Variants in MEGF10 observed in about 807,000 individuals in gnomAD.
MEGF10 encodes multiple epidermal growth factor-like domains protein 10.
MEGF10 carries 86 observed loss-of-function variants against 147.5 expected under a neutral mutation model. The observed-to-expected ratio is 0.58, with a 90% CI of 0.49 to 0.70. The LOEUF (loss-of-function observed/expected upper bound fraction) is 0.70, where lower values mean the gene tolerates loss of function less well. Ranked by LOEUF, MEGF10 falls within the 30% of genes least tolerant of loss-of-function variation. The probability of loss-of-function intolerance (pLI) is 0.00; values close to 1 mark genes in which losing one functional copy is unlikely to be tolerated. For missense variants in MEGF10, 1,329 were observed against 1,487.3 expected (o/e 0.89, Z 1.75); for synonymous variants, 478 against 525.5 (o/e 0.91, Z 1.24).
chr5:127,340,814 A>AT (rs1761651155), intron 4 of MEGF10, among the ~76,000 whole-genome samples, 184 bp downstream of exon 4: 1 of 152,158 alleles, frequency 6.6e-6, no homozygotes, highest in Non-Finnish European at 1.5e-5. Flanking sequence ...CTCCTGTCTT[A>AT]TCCAAAGTCT....
At chr5:127,331,214 G>T in intron 1 of MEGF10, 77 bp from the exon 2 acceptor site, 1 of 730,606 alleles carries the variant, frequency 1.4e-6, no homozygotes. Flanking sequence ...ACTGGTACCT[G>T]GTGGTTGCTG....
At chr5:127,270,265 C>A in the MEGF10 span, among the ~76,000 whole-genome samples, 1 of 152,148 alleles carries the variant, frequency 6.6e-6, no homozygotes, top group Non-Finnish European at 1.5e-5. Flanking sequence ...GCTAAATGCT[C>A]CAATTAAAAG....
At chr5:127,432,843 G>A (rs973387049) in intron 13 of MEGF10, among the ~76,000 whole-genome samples, 5 of 152,114 alleles carry the variant, frequency 3.3e-5, no homozygotes, top group Non-Finnish European at 7.4e-5. Flanking sequence ...GGAATTTGGT[G>A]GCACGTGTCA....
chr5:127,375,126 A>G (rs1373555258), intron 5 of MEGF10, among the ~76,000 whole-genome samples: 1 of 152,212 alleles, frequency 6.6e-6, no homozygotes, highest in African/African-American at 2.4e-5. Flanking sequence ...GATAATCTGG[A>G]TCAATCACTC....
At chr5:127,391,944 T>G (rs1580806352) in intron 5 of MEGF10, among the ~76,000 whole-genome samples, 1 of 152,134 alleles carries the variant, frequency 6.6e-6, no homozygotes, top group East Asian at 1.9e-4. Flanking sequence ...CTGGAGGATC[T>G]GTTGAGGCCT....
At chr5:127,436,027 GA>G (rs1053859233) in intron 16 of MEGF10, among the ~76,000 whole-genome samples, 1 of 151,972 alleles carries the variant, frequency 6.6e-6, no homozygotes, top group Non-Finnish European at 1.5e-5. Context: ...CCCATGTCAT[GA>G]AAAAAATGAC....
At chr5:127,388,520 TA>T (rs1763522809) in intron 5 of MEGF10, among the ~76,000 whole-genome samples, 2 of 22,762 alleles carry the variant, frequency 8.8e-5, no homozygotes, top group Admixed American at 3.0e-4. Context: ...TTTTTCTTTT[TA>T]TTTATTTATT....
the MEGF10 span, among the ~76,000 whole-genome samples, chr5:127,277,213 C>T: frequency 6.6e-6 from 1 of 152,162 alleles, no homozygotes; most frequent in South Asian, 2.1e-4. Flanking sequence ...GTAGATGGCT[C>T]CTAGCTCAGT....
intron 20 of MEGF10, 98 bp from the exon 21 acceptor site, chr5:127,447,459 G>A: frequency 6.5e-7 from 1 of 1,539,024 alleles, no homozygotes; most frequent in Non-Finnish European, 8.9e-7. Flanking sequence ...TTACAGGCGT[G>A]AGCCACCTCG....
intron 1 of MEGF10, among the ~76,000 whole-genome samples, chr5:127,312,726 T>C (rs1251620265): frequency 1.3e-5 from 2 of 152,190 alleles, no homozygotes; most frequent in African/African-American, 4.8e-5. Context: ...ACCTTGGATA[T>C]AAATAAACAG....
At chr5:127,423,393 A>T (rs1019123442) in intron 13 of MEGF10, among the ~76,000 whole-genome samples, 1 of 152,342 alleles carries the variant, frequency 6.6e-6, no homozygotes, top group East Asian at 1.9e-4. Flanking sequence ...CTGAAAGAAG[A>T]AGTTTCTGCT....
chr5:127,319,503 A>T (rs1248111704), intron 1 of MEGF10, among the ~76,000 whole-genome samples: 1 of 152,142 alleles, frequency 6.6e-6, no homozygotes, highest in African/African-American at 2.4e-5. Flanking sequence ...TGTTTTAGGT[A>T]CTGAGGATAC....
intron 1 of MEGF10, among the ~76,000 whole-genome samples, chr5:127,320,973 T>G (rs1760765584): frequency 6.6e-6 from 1 of 152,224 alleles, no homozygotes; most frequent in Non-Finnish European, 1.5e-5. Flanking sequence ...ATATTCAGTT[T>G]TGACCAGGAA....
chr5:127,384,648 G>A (rs926190354), intron 5 of MEGF10, among the ~76,000 whole-genome samples: 2 of 152,142 alleles, frequency 1.3e-5, no homozygotes, highest in Non-Finnish European at 2.9e-5. Flanking sequence ...CATTTTAAAA[G>A]AAGAATAAAG....
At chr5:127,419,282 G>T (rs375492977) in intron 11 of MEGF10, 42 bp downstream of exon 11, 2 of 1,597,192 alleles carry the variant, frequency 1.3e-6, no homozygotes, top group Non-Finnish European at 8.5e-7. Context: ...TCCTGGTCAC[G>T]TTATCTCCTA....
chr5:127,390,492 T>G lies in MEGF10; in HGVS notation c.413-6040T>G, dbSNP rs900767673. 2.0e-5 allele frequency among the ~76,000 whole-genome samples: 3 copies of G among 152,130 alleles called. 1 individual carries two copies. The highest frequency in any genetic ancestry group is 4.4e-5 in the Non-Finnish European group (3 of 68,022). On this transcript the variant is annotated intron_variant, in intron 5 of 24. Coordinates refer to ENST00000503335, the MANE Select transcript of MEGF10 (RefSeq NM_001256545.2). The stretch of plus-strand genomic sequence containing the variant: ...TTTTTGTAGAGATAGGGGCTTGCTG[T>G]GTTTTCCAGGCTGGTCTCTAACTCC...
intron 5 of MEGF10, among the ~76,000 whole-genome samples, chr5:127,380,683 A>G (rs1459216294): frequency 1.3e-5 from 2 of 151,954 alleles, no homozygotes; most frequent in African/African-American, 4.8e-5. Flanking sequence ...ACGTCCAGCT[A>G]ACTTTTTATA....
chr5:127,317,183 T>A (rs896263658), intron 1 of MEGF10, among the ~76,000 whole-genome samples: 1 of 152,208 alleles, frequency 6.6e-6, no homozygotes, highest in Non-Finnish European at 1.5e-5. Flanking sequence ...TGTTTGTTTT[T>A]TTCTTGTAAA....
chr5:127,350,782 T>A (rs1408476375), intron 4 of MEGF10, among the ~76,000 whole-genome samples: 3 of 152,162 alleles, frequency 2.0e-5, no homozygotes, highest in Non-Finnish European at 4.4e-5. Flanking sequence ...CATTGATTTT[T>A]AAAAAAATTT....
Sources: gnomAD v4.1 joint callset for allele counts (sites outside exome capture counted in the v4.1 genomes callset) on GRCh38, gnomAD v4.1.1 for gene constraint, MANE v1.5 for transcripts, NCBI Gene and HGNC (gene_info 2026-07-23, HGNC 2026-07-21) for gene names.